ASAP2: variants seen among roughly 807,000 people sequenced by gnomAD.
ASAP2 encodes arf-GAP with SH3 domain, ANK repeat and PH domain-containing protein 2.
ASAP2 carries 45 observed loss-of-function variants against 131.4 expected under a neutral mutation model. That is an observed-to-expected ratio of 0.34 (90% CI 0.27 to 0.44). The LOEUF (loss-of-function observed/expected upper bound fraction) is 0.44, where lower values mean the gene tolerates loss of function less well. Ranked by LOEUF, ASAP2 falls within the 20% of genes least tolerant of loss-of-function variation. ASAP2 has a pLI of 1.00. For synonymous variants in ASAP2, 510 were observed against 503.0 expected, an observed-to-expected ratio of 1.01 and a Z score of -0.19; for missense variants, 1,011 against 1,297.0, an observed-to-expected ratio of 0.78 and a Z score of 3.39.
At chr2:9,315,677 AAATCT>A (rs1225631705) in intron 3 of ASAP2, among the ~76,000 whole-genome samples, 1 of 152,086 alleles carries the variant, frequency 6.6e-6, no homozygotes, top group Non-Finnish European at 1.5e-5. Context: ...ATGACAGTGG[AAATCT>A]AGGCGTGCTT....
intron 3 of ASAP2, among the ~76,000 whole-genome samples, chr2:9,316,204 C>A (rs1669660553): frequency 6.6e-6 from 1 of 151,966 alleles, no homozygotes; most frequent in Admixed American, 6.6e-5. Context: ...TGCCTATAGT[C>A]CCAGCTACTC....
At chr2:9,215,299 C>G (rs1252118525) in intron 1 of ASAP2, among the ~76,000 whole-genome samples, 1 of 152,048 alleles carries the variant, frequency 6.6e-6, no homozygotes, top group African/African-American at 2.4e-5. Flanking sequence ...ATGTGGAGCA[C>G]GACTGTATAT....
chr2:9,371,717 G>A (rs1397441880), intron 16 of ASAP2, among the ~76,000 whole-genome samples: 2 of 152,002 alleles, frequency 1.3e-5, no homozygotes, highest in Middle Eastern at 3.2e-3. Context: ...TGTGACTTGG[G>A]ACCATTATAC....
intron 4 of ASAP2, among the ~76,000 whole-genome samples, chr2:9,319,718 T>G (rs1044272842): frequency 5.3e-5 from 8 of 152,188 alleles, no homozygotes; most frequent in Admixed American, 2.0e-4. Flanking sequence ...GGAGCATAAA[T>G]AGGTGAGGAC....
At chr2:9,254,808 T>A (rs1665046491) in intron 1 of ASAP2, among the ~76,000 whole-genome samples, 1 of 152,134 alleles carries the variant, frequency 6.6e-6, no homozygotes, top group African/African-American at 2.4e-5. Context: ...CGGTACTACT[T>A]GTTATCAGTT....
chr2:9,307,436 G>T lies in ASAP2; in HGVS notation c.345+9991G>T, dbSNP rs541424891. Among the ~76,000 whole-genome samples the T allele has an allele frequency of 3.9e-5, 6 of 152,204 alleles. No homozygotes were observed. The East Asian group carries it at 1.2e-3, about 29-fold the overall frequency. ...TCTTGGAGGTAATACATTTGAAAAA[G>T]TACTTTCATTTCTGGTTGATGGCTT... is the stretch of plus-strand genomic sequence containing the variant. On this transcript the variant is annotated intron_variant, in intron 3 of 27. Coordinates refer to ENST00000281419, the MANE Select transcript of ASAP2 (RefSeq NM_003887.3).
In ASAP2 at chr2:9,279,259, G is replaced by A. The variant is rs374173287; in HGVS notation, c.127-58G>A. ...CAGAGTGGCACTCAACGTGGTGCTC[G>A]CTGCTAGCGTGGTCTCAGCACAGAC... is the stretch of plus-strand genomic sequence containing the variant. On this transcript the variant is annotated intron_variant, in intron 1 of 27. Transcript: ENST00000281419. 687 of 1,538,246 alleles carry A rather than the reference G, an allele frequency of 4.5e-4. 3 individuals carry two copies. The highest frequency in any genetic ancestry group is 1.8e-3 in the African/African-American group (134 of 73,144).
At chr2:9,357,183 A>G (rs1429616133) in intron 14 of ASAP2, among the ~76,000 whole-genome samples, 1 of 151,958 alleles carries the variant, frequency 6.6e-6, no homozygotes, top group Non-Finnish European at 1.5e-5. Flanking sequence ...CATTAAAAAA[A>G]AAAAAAGAAT....
chr2:9,358,637 A>C lies in ASAP2; in HGVS notation c.1328-119A>C, dbSNP rs59670261. On this transcript the variant is annotated intron_variant, in intron 14 of 27. Transcript: ENST00000281419. ...TATGGACAAAGTTTCCAGCTGTGTT[A>C]AGGATCAGAAAATGCTCATGCTCAG... 35,439 of 1,276,732 alleles carry C rather than the reference A, an allele frequency of 0.028. 3,634 individuals carry two copies. In the African/African-American group the frequency reaches 0.29, roughly 11 times the overall value. The allele number at this position is 1,276,732 out of a possible 1,614,324, so 79.1% of individuals were successfully genotyped here.
intron 1 of ASAP2, among the ~76,000 whole-genome samples, chr2:9,230,419 G>T (rs1348511476): frequency 2.0e-5 from 3 of 152,218 alleles, no homozygotes; most frequent in African/African-American, 7.2e-5. Flanking sequence ...CCCAAGCCGA[G>T]GTTTCTGGAA....
intron 24 of ASAP2, chr2:9,399,809 C>T: frequency 1.7e-6 from 1 of 584,710 alleles, no homozygotes; most frequent in African/African-American, 1.9e-5. Flanking sequence ...TCTGGAAAAG[C>T]CCTGGTTTTA....
chr2:9,289,042 C>T (rs1667634189), intron 2 of ASAP2, among the ~76,000 whole-genome samples: 1 of 152,226 alleles, frequency 6.6e-6, no homozygotes, highest in South Asian at 2.1e-4. Context: ...GTTTCCACCT[C>T]GTGTAATTTA....
chr2:9,390,616 C>G (rs1309124174), intron 22 of ASAP2, among the ~76,000 whole-genome samples: 2 of 152,182 alleles, frequency 1.3e-5, no homozygotes, highest in Non-Finnish European at 2.9e-5. Context: ...ACTCTGCCCC[C>G]AACCTGTGCC....
At chr2:9,400,409 C>G (rs1390496555) in intron 25 of ASAP2, among the ~76,000 whole-genome samples, 3 of 112,340 alleles carry the variant, frequency 2.7e-5, no homozygotes, top group Non-Finnish European at 5.5e-5. Flanking sequence ...TTCCCCTCCC[C>G]TCCTCTCACC....
intron 23 of ASAP2, among the ~76,000 whole-genome samples, chr2:9,393,133 C>T (rs1396884876): frequency 1.3e-5 from 2 of 152,172 alleles, no homozygotes; most frequent in Non-Finnish European, 1.5e-5. Context: ...CCTGCTTCCC[C>T]GGGCAGAGCT....
chr2:9,257,071 T>G (rs531713074), intron 1 of ASAP2, among the ~76,000 whole-genome samples: 2 of 152,240 alleles, frequency 1.3e-5, no homozygotes, highest in Non-Finnish European at 2.9e-5. Flanking sequence ...CCTAACAGCC[T>G]GTCACAGGGC....
chr2:9,378,588 C>G (rs181194398), intron 18 of ASAP2, among the ~76,000 whole-genome samples: 1 of 152,372 alleles, frequency 6.6e-6, no homozygotes, highest in East Asian at 1.9e-4. Context: ...CCTAGCACAG[C>G]AGCCTCGGCG....
intron 11 of ASAP2, 137 bp from the exon 12 acceptor site, chr2:9,350,671 C>A: frequency 1.6e-6 from 1 of 630,334 alleles, no homozygotes; most frequent in Non-Finnish European, 2.6e-6. Context: ...AAGCCTTCCT[C>A]TGTCAAGTCT....
rs149685664 is a variant in ASAP2 at position 9,275,927 on chromosome 2, A to G, written c.127-3390A>G. Among the ~76,000 whole-genome samples the G allele has an allele frequency of 3.7e-3, 558 of 152,328 alleles. 3 individuals carry two copies. The highest frequency in any genetic ancestry group is 0.013 in the African/African-American group (526 of 41,566). On this transcript the variant is annotated intron_variant, in intron 1 of 27. Coordinates refer to ENST00000281419, the MANE Select transcript of ASAP2 (RefSeq NM_003887.3). ...TTGTTTTAACGTGGCACTTAGCCAC[A>G]TTTCAGGTGCTCCGTAGACACGTGC...
Sources: allele counts gnomAD v4.1 joint callset (sites outside exome capture counted in the v4.1 genomes callset), GRCh38; gene constraint gnomAD v4.1.1; transcripts MANE v1.5; gene names NCBI Gene and HGNC (gene_info 2026-07-23, HGNC 2026-07-21).